SEMA5A: variants seen among roughly 807,000 people sequenced by gnomAD.
SEMA5A encodes the protein semaphorin 5A, also known as semaphorin-5A.
SEMA5A carries 55 observed loss-of-function variants against 135.5 expected under a neutral mutation model. The ratio of observed to expected loss-of-function variants is 0.41; its 90% confidence interval spans 0.33 to 0.51. The LOEUF is 0.51. SEMA5A is among the 20% of genes least tolerant of loss of function. SEMA5A has a pLI of 0.37. For synonymous variants in SEMA5A, 580 were observed against 546.5 expected (o/e 1.06, Z -0.85); for missense variants, 1,290 against 1,419.9 (o/e 0.91, Z 1.47).
chr5:9,508,014 A>G (rs2055962), intron 1 of SEMA5A, among the ~76,000 whole-genome samples: 132,197 of 147,480 alleles, frequency 0.9, 59,591 homozygotes, highest in Middle Eastern at 0.95. Context: ...AAAAAAAAAA[A>G]AAAGAAAAGA....
intron 11 of SEMA5A, among the ~76,000 whole-genome samples, chr5:9,160,283 G>T (rs1288276307): frequency 1.3e-5 from 2 of 152,044 alleles, no homozygotes; most frequent in African/African-American, 2.4e-5. Flanking sequence ...GTGTCAGAAG[G>T]CAATATGTTC....
At chr5:9,053,725 T>G (rs1481887376) in intron 19 of SEMA5A, 1 of 166,510 alleles carries the variant, frequency 6.0e-6, no homozygotes, top group African/African-American at 2.4e-5. Context: ...CACAGCAAGG[T>G]GTCACCTGTG....
rs1365043611 is a variant in SEMA5A at position 9,174,318 on chromosome 5, C to A, written c.1273+15949G>T. Among the ~76,000 whole-genome samples the A allele has an allele frequency of 2.6e-5, 4 of 152,306 alleles. No individual in the cohort carries two copies. In the East Asian group the frequency reaches 7.7e-4, roughly 29 times the overall value. On this transcript the variant is annotated intron_variant, in intron 11 of 22. Transcript: ENST00000382496. ...GGAACTGCAATATTGACAGTTGCAC[C>A]TTACTTCCTACTCCCAACCCTCTCT...
chr5:9,069,842 A>G (rs1005346071), intron 16 of SEMA5A, among the ~76,000 whole-genome samples: 1 of 152,210 alleles, frequency 6.6e-6, no homozygotes, highest in Non-Finnish European at 1.5e-5. Context: ...TGAATGCCAT[A>G]AACCCAGTCA....
intron 12 of SEMA5A, among the ~76,000 whole-genome samples, chr5:9,139,680 T>G (rs1741956541): frequency 6.6e-6 from 1 of 152,176 alleles, no homozygotes; most frequent in Non-Finnish European, 1.5e-5. Context: ...CTGAGTAATA[T>G]TTTCCCTGTT....
At chr5:9,382,579 G>A (rs896169990) in intron 2 of SEMA5A, among the ~76,000 whole-genome samples, 1 of 152,160 alleles carries the variant, frequency 6.6e-6, no homozygotes, top group African/African-American at 2.4e-5. Flanking sequence ...TTTTGAAATT[G>A]AAGAGTAGAA....
intron 2 of SEMA5A, among the ~76,000 whole-genome samples, chr5:9,426,286 G>A (rs1430574594): frequency 2.0e-5 from 3 of 151,704 alleles, no homozygotes; most frequent in Non-Finnish European, 4.4e-5. Flanking sequence ...TTAGCCTGGC[G>A]CGGTGGCAGG....
intron 5 of SEMA5A, among the ~76,000 whole-genome samples, chr5:9,287,714 A>G (rs1268556355): frequency 6.6e-6 from 1 of 152,202 alleles, no homozygotes; most frequent in Non-Finnish European, 1.5e-5. Flanking sequence ...CTTATTGTCT[A>G]TAGCCGGCTT....
intron 2 of SEMA5A, among the ~76,000 whole-genome samples, chr5:9,407,518 C>G (rs575516345): frequency 6.6e-6 from 1 of 152,326 alleles, no homozygotes; most frequent in South Asian, 2.1e-4. Flanking sequence ...TCATTTAACA[C>G]ATTTCTAAAA....
intron 3 of SEMA5A, among the ~76,000 whole-genome samples, chr5:9,353,189 G>GGGAAAGGAAAGGAAA (rs1204266521): frequency 0.037 from 615 of 16,680 alleles, 52 homozygotes; most frequent in Non-Finnish European, 0.041. Context: ...AGGAAGGGAA[G>GGGAAAGGAAAGGAAA]GGAAAGGAAA....
At chr5:9,161,344 A>G (rs1403971731) in intron 11 of SEMA5A, among the ~76,000 whole-genome samples, 1 of 152,180 alleles carries the variant, frequency 6.6e-6, no homozygotes, top group Non-Finnish European at 1.5e-5. Context: ...GTTTATCTAG[A>G]CTAGCACTGT....
At chr5:9,221,350 T>G (rs1451558236) in intron 8 of SEMA5A, among the ~76,000 whole-genome samples, 36 of 145,768 alleles carry the variant, frequency 2.5e-4, no homozygotes, top group South Asian at 6.7e-4. Flanking sequence ...TCACCCAGGC[T>G]GGAGTGCAGT....
intron 2 of SEMA5A, among the ~76,000 whole-genome samples, chr5:9,416,581 C>CA (rs1476713060): frequency 6.6e-6 from 1 of 152,164 alleles, no homozygotes; most frequent in Non-Finnish European, 1.5e-5. Flanking sequence ...TTGTCAAAGG[C>CA]AACATGAAAG....
At chr5:9,456,621 A>C (rs2126717924) in intron 1 of SEMA5A, among the ~76,000 whole-genome samples, 1 of 152,232 alleles carries the variant, frequency 6.6e-6, no homozygotes, top group Admixed American at 6.5e-5. Flanking sequence ...CTGGACCCCA[A>C]ACCACAAAGG....
At chr5:9,330,317 G>A (rs193285683) in intron 4 of SEMA5A, among the ~76,000 whole-genome samples, 3 of 151,642 alleles carry the variant, frequency 2.0e-5, no homozygotes, top group Admixed American at 1.3e-4. Flanking sequence ...GTGAACCCGG[G>A]AGGCGGAGCT....
intron 1 of SEMA5A, among the ~76,000 whole-genome samples, chr5:9,528,589 G>T (rs1737265347): frequency 6.6e-6 from 1 of 152,146 alleles, no homozygotes; most frequent in Non-Finnish European, 1.5e-5. Context: ...AAAGGGCCTA[G>T]AAACGTCCAC....
At chr5:9,292,326 A>G (rs1246042162) in intron 5 of SEMA5A, among the ~76,000 whole-genome samples, 1 of 152,204 alleles carries the variant, frequency 6.6e-6, no homozygotes, top group African/African-American at 2.4e-5. Context: ...AGTTATAACA[A>G]TATGTTAACT....
chr5:9,215,109 A>G (rs1371561133), intron 8 of SEMA5A, among the ~76,000 whole-genome samples: 1 of 152,220 alleles, frequency 6.6e-6, no homozygotes, highest in African/African-American at 2.4e-5. Context: ...TGGGCAAAGC[A>G]GACAGGAGAT....
intron 11 of SEMA5A, among the ~76,000 whole-genome samples, chr5:9,181,124 A>C (rs1744485266): frequency 6.6e-6 from 1 of 152,084 alleles, no homozygotes; most frequent in African/African-American, 2.4e-5. Flanking sequence ...ACATCAGGGC[A>C]TCTCCGCTTT....
Sources: gnomAD v4.1 joint callset for allele counts (sites outside exome capture counted in the v4.1 genomes callset) on GRCh38, gnomAD v4.1.1 for gene constraint, MANE v1.5 for transcripts, NCBI Gene and HGNC (gene_info 2026-07-23, HGNC 2026-07-21) for gene names.